The following NBAS variants were observed in gnomAD, a reference collection of about 807,000 sequenced individuals.
NBAS encodes the protein NBAS subunit of NRZ tethering complex.
Under a neutral mutation model 302.5 loss-of-function variants are expected in NBAS, and 219 were observed. The observed-to-expected ratio is 0.72, with a 90% CI of 0.65 to 0.81. NBAS has a LOEUF of 0.81. NBAS is among the 30% of genes least tolerant of loss of function. NBAS has a pLI of 0.00. For missense variants in NBAS, 2,932 were observed against 2,841.6 expected (o/e 1.03, Z -0.72); for synonymous variants, 1,118 against 1,021.6 (o/e 1.09, Z -1.80).
chr2:15,288,690 A>T (rs562602937), intron 41 of NBAS, among the ~76,000 whole-genome samples: 3 of 152,346 alleles, frequency 2.0e-5, no homozygotes, highest in African/African-American at 7.2e-5. Flanking sequence ...TATTTTCCAG[A>T]AGAGAAACGT....
chr2:15,177,911 T>C (rs1043157357), intron 51 of NBAS: 3 of 306,790 alleles, frequency 9.8e-6, no homozygotes, highest in Non-Finnish European at 1.9e-5. Flanking sequence ...CAGAAGCTTT[T>C]ACATTATTTT....
the NBAS span, among the ~76,000 whole-genome samples, chr2:14,990,739 G>A: frequency 6.6e-6 from 1 of 152,116 alleles, no homozygotes; most frequent in Non-Finnish European, 1.5e-5. Context: ...AGCTGGGACT[G>A]TAGGTGCACT....
At chr2:14,884,220 GT>G in the NBAS span, among the ~76,000 whole-genome samples, 5 of 152,114 alleles carry the variant, frequency 3.3e-5, no homozygotes, top group Non-Finnish European at 7.4e-5. Context: ...AGTTGGGCTT[GT>G]AAGCATCTCG....
At position 15,218,987 on chromosome 2, in the gene NBAS, A is replaced by G; in HGVS notation, c.6237-19T>C. On this transcript the variant is annotated intron_variant, in intron 47 of 51. Coordinates refer to ENST00000281513, the MANE Select transcript of NBAS (RefSeq NM_015909.4). ...CTCCTCACTGCAGGGCAAAATCCAG[A>G]GGTATCTGTAAACTCCTAAGCCTTT... The G allele has an allele frequency of 6.2e-7, 1 of 1,614,024 alleles. No homozygotes were observed. Among genetic ancestry groups the G allele is most frequent in the East Asian group, 2.2e-5 (1 of 44,882 alleles).
intron 32 of NBAS, among the ~76,000 whole-genome samples, chr2:15,365,918 G>A (rs1386258327): frequency 6.6e-6 from 1 of 152,124 alleles, no homozygotes; most frequent in Non-Finnish European, 1.5e-5. Context: ...GCAGAAGGAT[G>A]TAGTTAAGGA....
At chr2:15,062,532 A>C in the NBAS span, among the ~76,000 whole-genome samples, 2 of 152,210 alleles carry the variant, frequency 1.3e-5, no homozygotes, top group African/African-American at 4.8e-5. Context: ...AGCTGTAATC[A>C]ATGTATCAAT....
At chr2:14,926,762 A>G in the NBAS span, among the ~76,000 whole-genome samples, 2 of 151,514 alleles carry the variant, frequency 1.3e-5, no homozygotes, top group African/African-American at 2.4e-5. Flanking sequence ...TGAAACACCA[A>G]CTCCCCATTC....
At chr2:14,863,906 C>T in the NBAS span, among the ~76,000 whole-genome samples, 1 of 152,196 alleles carries the variant, frequency 6.6e-6, no homozygotes, top group African/African-American at 2.4e-5. Flanking sequence ...TCTTGATCTC[C>T]TTGGTCTCAT....
chr2:15,275,921 G>A, intron 43 of NBAS, 103 bp from the exon 44 acceptor site: 1 of 1,006,938 alleles, frequency 9.9e-7, no homozygotes, highest in Non-Finnish European at 1.5e-6. Context: ...TGAACGCAAA[G>A]ATCTATCAAC....
At chr2:15,117,571 T>C in the NBAS span, among the ~76,000 whole-genome samples, 2 of 152,224 alleles carry the variant, frequency 1.3e-5, no homozygotes, top group East Asian at 3.9e-4. Context: ...AAATACCTGT[T>C]TGAACAGAGT....
intron 31 of NBAS, among the ~76,000 whole-genome samples, chr2:15,372,996 C>T (rs11684001): frequency 0.63 from 94,984 of 151,922 alleles, 30,433 homozygotes; most frequent in Middle Eastern, 0.69. Flanking sequence ...AAATCCGTAA[C>T]AGCATGGCCT....
the NBAS span, among the ~76,000 whole-genome samples, chr2:14,968,833 T>C: frequency 0.088 from 13,335 of 152,210 alleles, 1,593 homozygotes; most frequent in African/African-American, 0.26. Context: ...TCCAGCAATT[T>C]CACTGCTAGG....
chr2:15,158,050 G>T, the NBAS span, among the ~76,000 whole-genome samples: 1 of 152,168 alleles, frequency 6.6e-6, no homozygotes, highest in Non-Finnish European at 1.5e-5. Context: ...GGACTCTCTG[G>T]ACCCGGTGGC....
At chr2:15,032,683 G>T in the NBAS span, among the ~76,000 whole-genome samples, 1 of 152,174 alleles carries the variant, frequency 6.6e-6, no homozygotes. Flanking sequence ...GAGCATCAAG[G>T]ATATGGTGGA....
At chr2:15,098,659 A>G in the NBAS span, among the ~76,000 whole-genome samples, 5 of 126,008 alleles carry the variant, frequency 4.0e-5, no homozygotes, top group East Asian at 4.1e-4. Flanking sequence ...TATATAATAT[A>G]TTATATACAT....
At chr2:15,109,700 G>A in the NBAS span, among the ~76,000 whole-genome samples, 3 of 152,068 alleles carry the variant, frequency 2.0e-5, no homozygotes, top group Non-Finnish European at 4.4e-5. Flanking sequence ...ACAAGAGAGA[G>A]CTCTCTGAGG....
At chr2:15,037,486 G>T in the NBAS span, among the ~76,000 whole-genome samples, 1 of 152,156 alleles carries the variant, frequency 6.6e-6, no homozygotes, top group Non-Finnish European at 1.5e-5. Flanking sequence ...AAAATTGCTC[G>T]CTGCTCAGGG....
intron 42 of NBAS, among the ~76,000 whole-genome samples, chr2:15,283,119 T>G (rs1401155910): frequency 2.0e-5 from 3 of 152,172 alleles, no homozygotes; most frequent in Non-Finnish European, 4.4e-5. Context: ...GTTCAGCACT[T>G]AACACTATGC....
the NBAS span, among the ~76,000 whole-genome samples, chr2:15,034,044 A>AGGAGGAGGG: frequency 6.6e-5 from 6 of 91,064 alleles, no homozygotes; most frequent in African/African-American, 2.9e-4. Context: ...AGGAAGGAGG[A>AGGAGGAGGG]GGAGGAGGAG....
Sources: allele counts gnomAD v4.1 joint callset (sites outside exome capture counted in the v4.1 genomes callset), GRCh38; gene constraint gnomAD v4.1.1; transcripts MANE v1.5; gene names NCBI Gene and HGNC (gene_info 2026-07-23, HGNC 2026-07-21).